The following ERBB4 variants were observed in gnomAD, a reference collection of about 807,000 sequenced individuals.
ERBB4 encodes receptor tyrosine-protein kinase erbB-4.
In ERBB4, 42 loss-of-function variants were observed where a neutral mutation model predicts 158.0. The observed-to-expected ratio is 0.27, with a 90% CI of 0.21 to 0.34. The LOEUF (loss-of-function observed/expected upper bound fraction) is 0.34, where lower values mean the gene tolerates loss of function less well. ERBB4 is among the 10% of genes least tolerant of loss of function. ERBB4 has a pLI of 1.00. For synonymous variants in ERBB4, 583 were observed against 558.7 expected (o/e 1.04, Z -0.61); for missense variants, 1,333 against 1,624.1 (o/e 0.82, Z 3.08).
intron 1 of ERBB4, among the ~76,000 whole-genome samples, chr2:212,140,244 T>TATG (rs919646453): frequency 6.6e-6 from 1 of 150,958 alleles, no homozygotes; most frequent in Non-Finnish European, 1.5e-5. Flanking sequence ...TTTAAGAATA[T>TATG]ATGGGTTTAT....
chr2:211,431,105 A>G lies in ERBB4; in HGVS notation c.2488-5T>C, dbSNP rs2125430787. The G allele has an allele frequency of 6.2e-7, 1 of 1,613,192 alleles. No individual in the cohort carries two copies. Among genetic ancestry groups the G allele is most frequent in the Non-Finnish European group, 8.5e-7 (1 of 1,179,566 alleles). Reference sequence around the variant, plus strand: ...TTCTTCCAGGTACATCATTCCCTGAAAAATATCAAGTTCCTTAATGATATT... The same window carrying G: ...TTCTTCCAGGTACATCATTCCCTGAGAAATATCAAGTTCCTTAATGATATT... On this transcript the variant is annotated splice_region_variant and splice_polypyrimidine_tract_variant and intron_variant, in intron 20 of 27. Coordinates refer to ENST00000342788, the MANE Select transcript of ERBB4 (RefSeq NM_005235.3).
chr2:212,107,384 C>CA (rs1235215401), intron 2 of ERBB4, among the ~76,000 whole-genome samples: 4 of 152,232 alleles, frequency 2.6e-5, no homozygotes, highest in African/African-American at 7.2e-5. Flanking sequence ...TTTAGCCCTT[C>CA]ATTCCTTCAT....
At chr2:211,854,578 G>A (rs2077804667) in intron 3 of ERBB4, among the ~76,000 whole-genome samples, 1 of 152,078 alleles carries the variant, frequency 6.6e-6, no homozygotes, top group Admixed American at 6.6e-5. Flanking sequence ...TAAATGAAAT[G>A]ACAGAGTTGG....
At chr2:212,319,239 C>CTAATTTTATAGATGAGTAAATT (rs768100055) in intron 1 of ERBB4, among the ~76,000 whole-genome samples, 1 of 150,972 alleles carries the variant, frequency 6.6e-6, no homozygotes, top group African/African-American at 2.4e-5. Flanking sequence ...TTTCATACAT[C>CTAATTTTATAGATGAGTAAATT]ACAGCCTTCA....
chr2:211,994,881 T>C (rs1010953285), intron 2 of ERBB4, among the ~76,000 whole-genome samples: 1 of 152,148 alleles, frequency 6.6e-6, no homozygotes, highest in East Asian at 1.9e-4. Context: ...TCCCTAATGC[T>C]TCATGCAGTT....
intron 25 of ERBB4, among the ~76,000 whole-genome samples, chr2:211,413,921 A>T (rs1047389486): frequency 2.0e-5 from 3 of 151,688 alleles, no homozygotes; most frequent in Non-Finnish European, 2.9e-5. Flanking sequence ...CACACGAGAT[A>T]AAGAGGCCAG....
At chr2:211,773,628 A>ATATATAT (rs2075784266) in intron 4 of ERBB4, among the ~76,000 whole-genome samples, 1 of 52,064 alleles carries the variant, frequency 1.9e-5, no homozygotes, top group African/African-American at 1.0e-4. Flanking sequence ...ATATATATAT[A>ATATATAT]TATATATATA....
At chr2:212,055,375 G>C (rs1162638879) in intron 2 of ERBB4, among the ~76,000 whole-genome samples, 2 of 152,006 alleles carry the variant, frequency 1.3e-5, no homozygotes, top group African/African-American at 4.8e-5. Context: ...CTGGGGGCAG[G>C]GCATAGCCAA....
At chr2:211,409,479 G>C (rs1194354477) in intron 25 of ERBB4, among the ~76,000 whole-genome samples, 1 of 152,150 alleles carries the variant, frequency 6.6e-6, no homozygotes, top group East Asian at 1.9e-4. Flanking sequence ...TCTTCAAGTA[G>C]GTAATGACTG....
At chr2:211,690,026 A>C (rs1009609739) in intron 12 of ERBB4, among the ~76,000 whole-genome samples, 17 of 148,552 alleles carry the variant, frequency 1.1e-4, no homozygotes, top group Admixed American at 2.7e-4. Context: ...ATATATATAC[A>C]CTTTATAGAT....
At chr2:211,939,941 C>T (rs1183817575) in intron 3 of ERBB4, among the ~76,000 whole-genome samples, 4 of 133,956 alleles carry the variant, frequency 3.0e-5, no homozygotes, top group African/African-American at 8.5e-5. Flanking sequence ...AGCAAGACTC[C>T]GTCTCAAAAA....
intron 3 of ERBB4, among the ~76,000 whole-genome samples, chr2:211,819,672 A>T (rs187652237): frequency 3.9e-5 from 6 of 152,096 alleles, no homozygotes; most frequent in African/African-American, 1.4e-4. Context: ...GTAATGGGAA[A>T]TTATCAAGTA....
chr2:211,806,461 C>T (rs2076618597), intron 3 of ERBB4, among the ~76,000 whole-genome samples: 1 of 152,036 alleles, frequency 6.6e-6, no homozygotes, highest in Non-Finnish European at 1.5e-5. Flanking sequence ...TACCCTTCAC[C>T]ATTTTTTTAA....
chr2:212,537,132 A>AGGT (rs1553663396), intron 1 of ERBB4, among the ~76,000 whole-genome samples: 5 of 99,524 alleles, frequency 5.0e-5, no homozygotes, highest in African/African-American at 2.8e-4. Flanking sequence ...TAGGCAAAGG[A>AGGT]GGCGGCGGCG....
At chr2:211,884,065 A>G (rs2078732619) in intron 3 of ERBB4, among the ~76,000 whole-genome samples, 2 of 152,274 alleles carry the variant, frequency 1.3e-5, no homozygotes, top group Admixed American at 6.5e-5. Context: ...AAACAGTACA[A>G]TATAAACATA....
chr2:211,963,706 T>C (rs1304693081), intron 2 of ERBB4, among the ~76,000 whole-genome samples: 1 of 152,164 alleles, frequency 6.6e-6, no homozygotes, highest in Non-Finnish European at 1.5e-5. Flanking sequence ...GATTTGATTT[T>C]TTTTCATTCA....
rs973937204 is a variant in ERBB4 at position 211,815,217 on chromosome 2, C to T, written c.422-27058G>A. 7.2e-5 allele frequency among the ~76,000 whole-genome samples: 11 copies of T among 152,262 alleles called. No homozygotes were observed. In the East Asian group the frequency reaches 1.9e-3, roughly 27 times the overall value. On this transcript the variant is annotated intron_variant, in intron 3 of 27. Coordinates refer to ENST00000342788, the MANE Select transcript of ERBB4 (RefSeq NM_005235.3). ...AAAGTAACTCATAGGGTTATTATGACAATCTACTAGAATAATAGCAACTAT... is the reference window on the plus strand; with the variant it reads ...AAAGTAACTCATAGGGTTATTATGATAATCTACTAGAATAATAGCAACTAT...
chr2:212,214,585 C>G lies in ERBB4; in HGVS notation c.83-89682G>C, dbSNP rs757376411. ...TTAAAACCACAATAAGATACCATCA[C>G]ACACCTGGTAAAATCAAGTATTGGC... On this transcript the variant is annotated intron_variant, in intron 1 of 27. Transcript: ENST00000342788. Among the ~76,000 whole-genome samples, 132 of 151,806 alleles carry G rather than the reference C, an allele frequency of 8.7e-4. 2 individuals are homozygous for G. The highest frequency in any genetic ancestry group is 1.2e-3 in the Admixed American group (18 of 15,192).
chr2:211,681,490 A>T (rs2072332189), intron 12 of ERBB4, among the ~76,000 whole-genome samples: 1 of 152,172 alleles, frequency 6.6e-6, no homozygotes, highest in African/African-American at 2.4e-5. Context: ...CAATGAACAC[A>T]ACTCAAAATT....
Sources: gnomAD v4.1 joint callset for allele counts (sites outside exome capture counted in the v4.1 genomes callset) on GRCh38, gnomAD v4.1.1 for gene constraint, MANE v1.5 for transcripts, NCBI Gene and HGNC (gene_info 2026-07-23, HGNC 2026-07-21) for gene names.